ELMOD3: variants seen among roughly 807,000 people sequenced by gnomAD.
ELMOD3 encodes the protein ELMO domain containing 3.
A neutral mutation model predicts 47.4 loss-of-function variants in ELMOD3; 36 were observed. The ratio of observed to expected loss-of-function variants is 0.76; its 90% CI spans 0.58 to 1.00. The LOEUF is 1.00. Ranked by LOEUF, ELMOD3 falls within the 50% of genes least tolerant of loss-of-function variation. The pLI, the probability that ELMOD3 is intolerant of heterozygous loss-of-function variation, is 0.00. For missense variants in ELMOD3, 404 were observed against 463.8 expected (o/e 0.87, Z 1.18); for synonymous variants, 149 against 183.5 (o/e 0.81, Z 1.52).
chr2:85,367,217 G>C (rs1684449146), intron 6 of ELMOD3, among the ~76,000 whole-genome samples: 2 of 151,996 alleles, frequency 1.3e-5, no homozygotes, highest in Admixed American at 6.6e-5. Flanking sequence ...ACTACACTAT[G>C]ATAAGCACGG....
chr2:85,377,702 T>C (rs1369477724), intron 11 of ELMOD3, among the ~76,000 whole-genome samples: 2 of 152,254 alleles, frequency 1.3e-5, no homozygotes, highest in East Asian at 3.8e-4. Flanking sequence ...ATCATAGTGT[T>C]GTTAGAAATG....
At chr2:85,372,475 C>T (rs1455229566) in intron 10 of ELMOD3, 1 of 152,120 alleles carries the variant, frequency 6.6e-6, no homozygotes, top group African/African-American at 2.4e-5. Flanking sequence ...CAGAATCTGG[C>T]ATTTTTGGGT....
At chr2:85,386,576 C>A (rs999216491) in intron 11 of ELMOD3, among the ~76,000 whole-genome samples, 1 of 151,906 alleles carries the variant, frequency 6.6e-6, no homozygotes. Flanking sequence ...GGAGAGACAG[C>A]GTTTCACCAT....
At chr2:85,369,608 T>G (rs890052562) in intron 7 of ELMOD3, 131 bp from the exon 8 acceptor site, 3 of 888,986 alleles carry the variant, frequency 3.4e-6, no homozygotes, top group Admixed American at 4.6e-5. Context: ...AGATTGGTTG[T>G]AGCTGTAAGT....
intron 4 of ELMOD3, 198 bp downstream of exon 4, chr2:85,357,450 G>T (rs1683643737): frequency 4.8e-6 from 2 of 417,464 alleles, no homozygotes; most frequent in Non-Finnish European, 8.5e-6. Flanking sequence ...TGAGTTATGA[G>T]ATTTTTGTTT....
rs538471952 is a variant in ELMOD3 at position 85,388,215 on chromosome 2, C to T, written c.739-1536C>T. On this transcript the variant is annotated intron_variant, in intron 11 of 13. Coordinates refer to ENST00000409013, the MANE Select transcript of ELMOD3 (RefSeq NM_001135022.2). ...ATGTTGCCCAGGCTGGTCTTGAACT[C>T]CTAGACTCAAGTGATCCATCCGCCT... Among the ~76,000 whole-genome samples, 18 of 152,128 alleles carry T rather than the reference C, an allele frequency of 1.2e-4. No individual in the cohort carries two copies. In the South Asian group the frequency reaches 3.5e-3, roughly 30 times the overall value.
At chr2:85,368,785 A>T in intron 7 of ELMOD3, 31 bp downstream of exon 7, 2 of 1,612,530 alleles carry the variant, frequency 1.2e-6, no homozygotes, top group Non-Finnish European at 1.7e-6. Flanking sequence ...GTCTCCCCAT[A>T]GCCCCTCTGC....
intron 11 of ELMOD3, among the ~76,000 whole-genome samples, chr2:85,380,932 C>T (rs1250074700): frequency 2.0e-5 from 3 of 152,116 alleles, no homozygotes; most frequent in Non-Finnish European, 2.9e-5. Context: ...ACCCAGTTGA[C>T]AAGGAAATTT....
At chr2:85,365,368 A>G (rs868303250) in intron 6 of ELMOD3, among the ~76,000 whole-genome samples, 102 of 151,042 alleles carry the variant, frequency 6.8e-4, no homozygotes, top group African/African-American at 2.4e-3. Flanking sequence ...ATATATATAT[A>G]ATAAATAAAA....
At chr2:85,371,595 A>G in intron 10 of ELMOD3, 33 bp downstream of exon 10, 1 of 1,612,808 alleles carries the variant, frequency 6.2e-7, no homozygotes, top group East Asian at 2.2e-5. Context: ...CTTCTTTTTC[A>G]TGCCTCTGAT....
intron 11 of ELMOD3, among the ~76,000 whole-genome samples, chr2:85,382,735 C>T (rs889717852): frequency 1.3e-5 from 2 of 151,944 alleles, no homozygotes; most frequent in South Asian, 4.1e-4. Context: ...AGGCTGGTCT[C>T]GAACTCTGGA....
intron 11 of ELMOD3, chr2:85,386,963 T>C (rs543438500): frequency 4.9e-5 from 53 of 1,089,234 alleles, no homozygotes; most frequent in South Asian, 1.0e-4. Flanking sequence ...GATCGTGCCA[T>C]TGCACTCCAG....
chr2:85,367,288 T>C (rs1267094299), intron 6 of ELMOD3, among the ~76,000 whole-genome samples: 1 of 152,130 alleles, frequency 6.6e-6, no homozygotes, highest in Non-Finnish European at 1.5e-5. Context: ...AAAGAAGGCA[T>C]CCAGGCGAGG....
Position 85,377,357 on chromosome 2 carries a change from C to T in ELMOD3, c.621C>T (p.Ala207=). 16 of 1,602,788 alleles carry T rather than the reference C, an allele frequency of 1.0e-5. No homozygotes were observed. The highest frequency in any genetic ancestry group is 1.4e-5 in the Non-Finnish European group (16 of 1,174,680). ...EDLGFQGANP[A]TDLRGAGFLA... ...TCTCTGTTACAGGAGCGAATCCAGCCACAGACCTGAGAGGCGCAGGCTTCC... is the reference window on the plus strand; with the variant it reads ...TCTCTGTTACAGGAGCGAATCCAGCTACAGACCTGAGAGGCGCAGGCTTCC... Residue 207 remains alanine, a synonymous_variant, in exon 11 of 14, where the codon GCC becomes GCT. Coordinates refer to ENST00000409013, the MANE Select transcript of ELMOD3 (RefSeq NM_001135022.2).
chr2:85,369,624 A>G (rs896796575), intron 7 of ELMOD3, 115 bp from the exon 8 acceptor site: 100 of 1,043,848 alleles, frequency 9.6e-5, no homozygotes, highest in Middle Eastern at 2.2e-4. Context: ...TAAGTGTCTG[A>G]TGTTCAACTG....
At chr2:85,371,631 T>C in intron 10 of ELMOD3, 69 bp downstream of exon 10, 7 of 1,597,024 alleles carry the variant, frequency 4.4e-6, no homozygotes, top group Non-Finnish European at 6.0e-6. Flanking sequence ...AGAGGCCAGG[T>C]CGTTCTCTTC....
rs552225749 is a variant in ELMOD3, at chr2:85,390,063, G to A, written c.816-75G>A. The A allele has an allele frequency of 4.1e-6, 6 of 1,454,096 alleles. No individual in the cohort carries two copies. In the South Asian group the frequency reaches 5.7e-5, roughly 14 times the overall value. 90.1% of individuals were successfully genotyped at this position (1,454,096 alleles called of 1,614,324 possible). A position where few individuals can be genotyped will look rare whatever the true frequency, so the allele number is the denominator to read the frequency against. On this transcript the variant is annotated intron_variant, in intron 12 of 13. Coordinates refer to ENST00000409013, the MANE Select transcript of ELMOD3 (RefSeq NM_001135022.2). The stretch of plus-strand genomic sequence containing the variant: ...GGGCTGGCTCCCCTGGGGAAATGGG[G>A]AAGGAAGGCGGGAGGGAACCTAGGT...
chr2:85,383,574 T>G (rs1190762308), intron 11 of ELMOD3, among the ~76,000 whole-genome samples: 1 of 152,142 alleles, frequency 6.6e-6, no homozygotes, highest in Admixed American at 6.5e-5. Flanking sequence ...TCCACCCGCC[T>G]TGGCCTCCCA....
chr2:85,387,214 A>G (rs1235819680), intron 11 of ELMOD3: 5 of 1,194,030 alleles, frequency 4.2e-6, no homozygotes, highest in Non-Finnish European at 5.4e-6. Context: ...GTTCTCAGCT[A>G]CCCATGTTGA....
Sources: gnomAD v4.1 joint callset for allele counts (sites outside exome capture counted in the v4.1 genomes callset) on GRCh38, gnomAD v4.1.1 for gene constraint, MANE v1.5 for transcripts, NCBI Gene and HGNC (gene_info 2026-07-23, HGNC 2026-07-21) for gene names.